The following CDH23 variants were observed in gnomAD, a reference collection of about 807,000 sequenced individuals.
CDH23 encodes the protein cadherin related 23, also known as cadherin-23.
A neutral mutation model predicts 317.1 loss-of-function variants in CDH23; 189 were observed. That is an observed-to-expected ratio of 0.60 (90% confidence interval 0.53 to 0.67). The LOEUF (loss-of-function observed/expected upper bound fraction) is 0.67, where lower values mean the gene tolerates loss of function less well. CDH23 is among the 30% of genes least tolerant of loss of function. The probability of loss-of-function intolerance (pLI) is 0.00; values close to 1 mark genes in which losing one functional copy is unlikely to be tolerated. For synonymous variants in CDH23, 1,839 were observed against 1,876.8 expected (o/e 0.98, Z 0.52); for missense variants, 4,401 against 4,592.4 (o/e 0.96, Z 1.20).
At chr10:71,747,519 C>A (rs914829464) in intron 38 of CDH23, 6 of 152,296 alleles carry the variant, frequency 3.9e-5, no homozygotes, top group African/African-American at 1.4e-4. Context: ...CCCATAATAC[C>A]AATCCATTCA....
intron 50 of CDH23, 128 bp from the exon 51 acceptor site, chr10:71,798,983 G>T: frequency 1.2e-6 from 1 of 832,486 alleles, no homozygotes; most frequent in Non-Finnish European, 1.9e-6. Flanking sequence ...ACTGGGTGGT[G>T]CTGCCTGACC....
In CDH23 at chr10:71,709,177, C is replaced by A. The variant is rs201589645; in HGVS notation, c.3186C>A (p.Thr1062=). Residue 1062 remains threonine, a synonymous_variant, in exon 27 of 70, where the codon ACC becomes ACA. Transcript: ENST00000224721. Reference sequence around the variant, plus strand: ...CCGTGGTGGGCCTGGACCGGGAGACCACAGCCGCCTACATGCTCATCCTGG... The same window carrying A: ...CCGTGGTGGGCCTGGACCGGGAGACAACAGCCGCCTACATGCTCATCCTGG... ...VRTVVGLDRE[T]TAAYMLILEA... 1.5e-4 allele frequency: 243 copies of A among 1,613,944 alleles called. 1 individual carries two copies. Among genetic ancestry groups the A allele is most frequent in the Middle Eastern group, 8.3e-4 (5 of 6,052 alleles).
At chr10:71,575,258 C>T (rs1214379609) in intron 8 of CDH23, among the ~76,000 whole-genome samples, 2 of 152,052 alleles carry the variant, frequency 1.3e-5, no homozygotes, top group African/African-American at 2.4e-5. Context: ...GGAAAGAGGC[C>T]CCTGAGTTGT....
intron 3 of CDH23, among the ~76,000 whole-genome samples, chr10:71,467,921 G>A (rs1458999705): frequency 2.6e-5 from 4 of 152,100 alleles, no homozygotes; most frequent in African/African-American, 9.7e-5. Flanking sequence ...CTCCCACCCT[G>A]GCCTCCTCAA....
intron 3 of CDH23, among the ~76,000 whole-genome samples, chr10:71,478,005 T>C (rs1014129029): frequency 2.0e-5 from 3 of 152,158 alleles, no homozygotes; most frequent in African/African-American, 7.2e-5. Flanking sequence ...TCTATGAGAA[T>C]TGGCACATAA....
chr10:71,434,193 G>A (rs1479015293), intron 1 of CDH23, among the ~76,000 whole-genome samples: 6 of 152,160 alleles, frequency 3.9e-5, no homozygotes, highest in Non-Finnish European at 7.3e-5. Flanking sequence ...ACTCTCCTGC[G>A]AGTGCATGCT....
At chr10:71,748,453 C>CA (rs1470313340) in intron 38 of CDH23, 1 of 152,274 alleles carries the variant, frequency 6.6e-6, no homozygotes, top group Non-Finnish European at 1.5e-5. Context: ...CCCGCTGTGT[C>CA]AGCAAAACCC....
intron 9 of CDH23, among the ~76,000 whole-genome samples, chr10:71,604,967 T>C (rs1860443649): frequency 6.6e-6 from 1 of 152,220 alleles, no homozygotes; most frequent in South Asian, 2.1e-4. Flanking sequence ...TGAATTGTTG[T>C]TAGTAATTGT....
At chr10:71,412,275 A>G (rs2131923298) in intron 1 of CDH23, among the ~76,000 whole-genome samples, 1 of 152,320 alleles carries the variant, frequency 6.6e-6, no homozygotes, top group East Asian at 1.9e-4. Flanking sequence ...ATGTTGGTCT[A>G]TAAATACCTG....
At chr10:71,449,627 A>G (rs1406689159) in intron 3 of CDH23, among the ~76,000 whole-genome samples, 1 of 152,268 alleles carries the variant, frequency 6.6e-6, no homozygotes, top group African/African-American at 2.4e-5. Context: ...GTTTTTATGC[A>G]TTAATTCATT....
At chr10:71,723,116 A>G (rs1178223458) in intron 28 of CDH23, among the ~76,000 whole-genome samples, 1 of 152,164 alleles carries the variant, frequency 6.6e-6, no homozygotes, top group African/African-American at 2.4e-5. Context: ...AGGTGGTGAG[A>G]CAAGAAGGGG....
At chr10:71,515,392 T>A (rs200748331) in intron 6 of CDH23, among the ~76,000 whole-genome samples, 996 of 31,230 alleles carry the variant, frequency 0.032, 19 homozygotes, top group African/African-American at 0.12. Flanking sequence ...TCTCTCTCTC[T>A]CTCACACACA....
intron 69 of CDH23, among the ~76,000 whole-genome samples, chr10:71,814,661 C>A (rs1325215049): frequency 2.8e-5 from 4 of 143,956 alleles, no homozygotes; most frequent in African/African-American, 7.9e-5. Flanking sequence ...CACACACACA[C>A]AATTTTCACA....
chr10:71,465,327 G>C (rs986865891), intron 3 of CDH23, among the ~76,000 whole-genome samples: 11 of 152,270 alleles, frequency 7.2e-5, no homozygotes, highest in South Asian at 2.1e-4. Context: ...GCTGGGGGCA[G>C]GCAGCCCCTG....
rs77916135 is a variant in CDH23, at chr10:71,720,630, T to C, written c.3370-3415T>C. ...CCTGAGCCTCAGACCCATTCCCTTT[T>C]TTGGAGCCCCAGTTTCTGGTTTTTA... is the stretch of plus-strand genomic sequence containing the variant. On this transcript the variant is annotated intron_variant, in intron 28 of 69. Transcript: ENST00000224721. 3.0e-3 allele frequency among the ~76,000 whole-genome samples: 454 copies of C among 152,252 alleles called. 1 individual carries two copies. The highest frequency in any genetic ancestry group is 0.01 in the African/African-American group (430 of 41,542).
chr10:71,483,645 C>T (rs776556581), intron 3 of CDH23, among the ~76,000 whole-genome samples: 1 of 152,230 alleles, frequency 6.6e-6, no homozygotes, highest in African/African-American at 2.4e-5. Flanking sequence ...TGGGCCTTCG[C>T]CGTCCTAAGG....
intron 6 of CDH23, among the ~76,000 whole-genome samples, chr10:71,513,343 C>G (rs1854099594): frequency 6.6e-6 from 1 of 151,838 alleles, no homozygotes; most frequent in African/African-American, 2.4e-5. Flanking sequence ...AAACTAGCTG[C>G]CTGGCTCTGA....
chr10:71,524,639 G>A lies in CDH23; in HGVS notation c.429+13427G>A, dbSNP rs574093468. Among the ~76,000 whole-genome samples, 18 of 152,306 alleles carry A rather than the reference G, an allele frequency of 1.2e-4. No homozygotes were observed. The East Asian group carries it at 2.7e-3, about 23-fold the overall frequency. The stretch of plus-strand genomic sequence containing the variant: ...CTGTGTGACCCCACATGGAAAAGGG[G>A]ATTTTGCGGTTAAGGACCTCTCTGT... On this transcript the variant is annotated intron_variant, in intron 6 of 69. Coordinates refer to ENST00000224721, the MANE Select transcript of CDH23 (RefSeq NM_022124.6).
rs1841771670 is a variant in CDH23, at chr10:71,807,603, T to C, written c.8396T>C (p.Phe2799Ser). The C allele has an allele frequency of 6.2e-7, 1 of 1,613,800 alleles. No individual in the cohort carries two copies. The highest frequency in any genetic ancestry group is 8.5e-7 in the Non-Finnish European group (1 of 1,179,868). Residue 2799 changes from phenylalanine to serine, a missense_variant, in exon 59 of 70, where the codon TTC becomes TCC. By Grantham distance (155) the Phe-to-Ser change is radical. This residue lies in a region of CDH23 where 1,144 missense variants were observed against 1,138.2 expected (regional missense o/e 1.01). Transcript: ENST00000224721. ...RDLDREREAI[F>S]SFIVKASSNR... is the part of the protein sequence containing the mutation. ...CTGGACCGGGAGCGAGAAGCCATCT[T>C]CTCCTTCATCGTCAAGGCCTCCAGC...
Sources: gnomAD v4.1 joint callset for allele counts (sites outside exome capture counted in the v4.1 genomes callset) on GRCh38, gnomAD v4.1.1 for gene constraint, gnomAD v4.1.1 regional missense constraint, MANE v1.5 for transcripts, NCBI Gene and HGNC (gene_info 2026-07-23, HGNC 2026-07-21) for gene names.